DIAPH2: variants seen among roughly 807,000 people sequenced by gnomAD.
DIAPH2 encodes protein diaphanous homolog 2.
A neutral mutation model predicts 92.7 loss-of-function variants in DIAPH2; 35 were observed. The ratio of observed to expected loss-of-function variants is 0.38; its 90% CI spans 0.29 to 0.50. DIAPH2 has a LOEUF of 0.50. Among genes scored for constraint, DIAPH2 ranks in the 20% least tolerant of loss-of-function variants. The pLI, the probability that DIAPH2 is intolerant of heterozygous loss-of-function variation, is 0.94. For missense variants in DIAPH2, 701 were observed against 819.5 expected, an observed-to-expected ratio of 0.86 and a Z score of 1.77; for synonymous variants, 301 against 280.4, an observed-to-expected ratio of 1.07 and a Z score of -0.73.
intron 26 of DIAPH2, among the ~76,000 whole-genome samples, chrX:97,552,976 G>T (rs1409207361): frequency 1.8e-5 from 2 of 111,444 alleles, no homozygotes; most frequent in East Asian, 2.8e-4. Flanking sequence ...TATGCTCTGT[G>T]TACTAAGGAC....
intron 17 of DIAPH2, among the ~76,000 whole-genome samples, chrX:97,019,014 A>G (rs747620399): frequency 3.7e-4 from 41 of 111,309 alleles, no homozygotes; most frequent in African/African-American, 1.3e-3. Context: ...TGCTTCTTTC[A>G]CTGAGCATTT....
At chrX:97,462,385 T>G (rs1224919481) in intron 26 of DIAPH2, among the ~76,000 whole-genome samples, 1 of 111,937 alleles carries the variant, frequency 8.9e-6, no homozygotes, top group Admixed American at 9.5e-5. Context: ...GTTCAATGGG[T>G]TTTATAATTA....
chrX:96,974,196 G>A (rs370551069), intron 17 of DIAPH2, among the ~76,000 whole-genome samples: 1 of 112,084 alleles, frequency 8.9e-6, no homozygotes, highest in East Asian at 2.8e-4. Context: ...GAAGGCACGG[G>A]CAGTCAGCCT....
chrX:97,161,898 G>A (rs955194902), intron 22 of DIAPH2, among the ~76,000 whole-genome samples: 3 of 111,465 alleles, frequency 2.7e-5, no homozygotes, highest in Admixed American at 9.5e-5. Context: ...TAGGACTCAT[G>A]TTATTCTTTA....
At chrX:97,105,900 A>C (rs375482938) in intron 20 of DIAPH2, among the ~76,000 whole-genome samples, 1 of 111,947 alleles carries the variant, frequency 8.9e-6, no homozygotes, top group East Asian at 2.8e-4. Context: ...AGCACATTTA[A>C]ATTTTTTTTA....
At chrX:96,788,722 A>T (rs1178839169) in intron 4 of DIAPH2, among the ~76,000 whole-genome samples, 6 of 112,017 alleles carry the variant, frequency 5.4e-5, no homozygotes, top group African/African-American at 1.9e-4. Context: ...TAGTACTGTA[A>T]GCCCCTTTAT....
chrX:96,832,604 A>T (rs1374668192), intron 4 of DIAPH2, among the ~76,000 whole-genome samples: 1 of 111,388 alleles, frequency 9.0e-6, no homozygotes, highest in African/African-American at 3.3e-5. Context: ...GTAGGGGCAG[A>T]CCACAAAAAT....
At position 96,814,485 on chromosome X, in the gene DIAPH2, C is replaced by T. The variant is rs191281308; in HGVS notation, c.447+56227C>T. ...TGGGTTCAAACATCTTCCTTTAGCTCGGAGAAGTTGGTTATTACCGACCTT... is the reference window on the plus strand; with the variant it reads ...TGGGTTCAAACATCTTCCTTTAGCTTGGAGAAGTTGGTTATTACCGACCTT... On this transcript the variant is annotated intron_variant, in intron 4 of 26. Coordinates refer to ENST00000324765, the MANE Select transcript of DIAPH2 (RefSeq NM_006729.5). Among the ~76,000 whole-genome samples the T allele has an allele frequency of 5.1e-3, 566 of 111,845 alleles. 3 individuals carry two copies. The highest frequency in any genetic ancestry group is 0.017 in the African/African-American group (530 of 30,784).
intron 23 of DIAPH2, among the ~76,000 whole-genome samples, chrX:97,302,846 C>T (rs1425383346): frequency 9.0e-6 from 1 of 110,866 alleles, no homozygotes; most frequent in African/African-American, 3.3e-5. Context: ...TAGCCGGGCG[C>T]GGTGTCGTGC....
chrX:97,450,000 TG>T, intron 26 of DIAPH2, among the ~76,000 whole-genome samples: 1 of 110,315 alleles, frequency 9.1e-6, no homozygotes, highest in South Asian at 3.9e-4. Flanking sequence ...GCGATTGTTA[TG>T]TATTGTGTGA....
At chrX:96,856,104 T>C (rs928627919) in intron 4 of DIAPH2, among the ~76,000 whole-genome samples, 2 of 111,805 alleles carry the variant, frequency 1.8e-5, no homozygotes, top group African/African-American at 3.3e-5. Context: ...AATTAAAGTG[T>C]GTGTGGAGTG....
intron 5 of DIAPH2, among the ~76,000 whole-genome samples, chrX:96,892,712 T>C (rs2065316152): frequency 8.9e-6 from 1 of 111,970 alleles, no homozygotes; most frequent in Non-Finnish European, 1.9e-5. Context: ...TTTGAAGTAT[T>C]ATTAGGAGAA....
intron 26 of DIAPH2, among the ~76,000 whole-genome samples, chrX:97,438,930 G>A (rs2070223498): frequency 8.9e-6 from 1 of 111,936 alleles, no homozygotes; most frequent in Non-Finnish European, 1.9e-5. Context: ...AGCATATACT[G>A]TGTGATTTAG....
intron 22 of DIAPH2, among the ~76,000 whole-genome samples, chrX:97,197,801 G>C (rs1189540793): frequency 9.0e-6 from 1 of 111,728 alleles, no homozygotes; most frequent in Non-Finnish European, 1.9e-5. Flanking sequence ...GAAGTGTTCA[G>C]GTCATTTTAT....
At chrX:97,343,054 T>C (rs1210417065) in intron 23 of DIAPH2, among the ~76,000 whole-genome samples, 1 of 111,937 alleles carries the variant, frequency 8.9e-6, no homozygotes, top group East Asian at 2.8e-4. Context: ...GGACAAATCA[T>C]GTAGAGCCTT....
intron 26 of DIAPH2, among the ~76,000 whole-genome samples, chrX:97,504,563 G>C (rs2070820088): frequency 8.9e-6 from 1 of 112,029 alleles, no homozygotes; most frequent in African/African-American, 3.2e-5. Flanking sequence ...GCCAGGCAAG[G>C]ATCCTACATC....
At chrX:97,106,480 T>G (rs1182338818) in intron 20 of DIAPH2, among the ~76,000 whole-genome samples, 1 of 112,174 alleles carries the variant, frequency 8.9e-6, no homozygotes, top group Non-Finnish European at 1.9e-5. Context: ...TAAAACAAGG[T>G]AAAATAAAAC....
At chrX:97,066,976 A>G (rs1035908270) in intron 17 of DIAPH2, among the ~76,000 whole-genome samples, 16 of 111,493 alleles carry the variant, frequency 1.4e-4, no homozygotes, top group African/African-American at 4.6e-4. Flanking sequence ...TGCCATTCCT[A>G]TTGCTTCAGG....
At chrX:97,394,822 C>A (rs1602559837) in intron 25 of DIAPH2, among the ~76,000 whole-genome samples, 1 of 111,665 alleles carries the variant, frequency 9.0e-6, no homozygotes, top group East Asian at 2.8e-4. Context: ...ATCTGCTGAT[C>A]CCCAGTGACA....
Sources: gnomAD v4.1 joint callset for allele counts (sites outside exome capture counted in the v4.1 genomes callset) on GRCh38, gnomAD v4.1.1 for gene constraint, MANE v1.5 for transcripts, NCBI Gene and HGNC (gene_info 2026-07-23, HGNC 2026-07-21) for gene names.